Variants in NUDCD1 observed in about 807,000 individuals in gnomAD.
NUDCD1 encodes the protein NudC domain containing 1.
NUDCD1 carries 60 observed loss-of-function variants against 67.8 expected under a neutral mutation model. The ratio of observed to expected loss-of-function variants is 0.88; its 90% CI spans 0.72 to 1.10. The LOEUF (loss-of-function observed/expected upper bound fraction) is 1.10. Ranked by LOEUF, NUDCD1 falls within the 50% of genes least tolerant of loss-of-function variation. NUDCD1 has a pLI of 0.00. For missense variants in NUDCD1, 643 were observed against 695.0 expected (o/e 0.93, Z 0.84); for synonymous variants, 244 against 230.8 (o/e 1.06, Z -0.52).
intron 6 of NUDCD1, among the ~76,000 whole-genome samples, chr8:109,278,864 T>A (rs918131282): frequency 6.6e-6 from 1 of 152,196 alleles, no homozygotes; most frequent in Admixed American, 6.5e-5. Flanking sequence ...CAAATTTGTT[T>A]TGGCTTTGTT....
chr8:109,256,182 G>C (rs1029738845), intron 8 of NUDCD1, among the ~76,000 whole-genome samples: 2 of 152,148 alleles, frequency 1.3e-5, no homozygotes, highest in Non-Finnish European at 2.9e-5. Flanking sequence ...CTTGGTGACA[G>C]AGCGATACCC....
chr8:109,312,298 C>CAAA lies in NUDCD1; in HGVS notation c.273+10008_273+10010dup, dbSNP rs5893951. On this transcript the variant is annotated intron_variant, in intron 2 of 9. Coordinates refer to ENST00000239690, the MANE Select transcript of NUDCD1 (RefSeq NM_032869.4). The stretch of plus-strand genomic sequence containing the variant: ...CCCGGGCAACAGAGCGAGACACTGT[C>CAAA]AAAAAAAAAAAAAAAAAAAAAAGCC... Among the ~76,000 whole-genome samples the CAAA allele has an allele frequency of 6.4e-4, 53 of 82,494 alleles. 1 individual carries two copies. The highest frequency in any genetic ancestry group is 8.6e-4 in the Non-Finnish European group (37 of 43,060). 54.1% of individuals were successfully genotyped at this position (82,494 alleles called of 152,430 possible). A position where few individuals can be genotyped will look rare whatever the true frequency, so the allele number is the denominator to read the frequency against.
intron 1 of NUDCD1, among the ~76,000 whole-genome samples, chr8:109,331,441 G>A (rs1364647892): frequency 2.0e-5 from 3 of 150,856 alleles, no homozygotes; most frequent in East Asian, 1.9e-4. Context: ...GCCTGAACCC[G>A]GAAGGCAGAG....
intron 7 of NUDCD1, among the ~76,000 whole-genome samples, chr8:109,275,000 G>A (rs1233937744): frequency 1.3e-5 from 2 of 152,066 alleles, no homozygotes; most frequent in South Asian, 2.1e-4. Flanking sequence ...TTAGGGATAA[G>A]TAGATTCTTA....
At chr8:109,315,624 T>C (rs1563682790) in intron 2 of NUDCD1, 2 of 152,124 alleles carry the variant, frequency 1.3e-5, no homozygotes, top group African/African-American at 4.8e-5. Flanking sequence ...TGATCAAGCA[T>C]AAGAAGGGTA....
At chr8:109,278,421 A>T (rs893002348) in intron 6 of NUDCD1, among the ~76,000 whole-genome samples, 1 of 152,176 alleles carries the variant, frequency 6.6e-6, no homozygotes, top group Non-Finnish European at 1.5e-5. Context: ...CCTTTAATTG[A>T]GGTGTAATTT....
At chr8:109,245,963 T>A (rs1353056936) in intron 8 of NUDCD1, among the ~76,000 whole-genome samples, 2 of 152,174 alleles carry the variant, frequency 1.3e-5, no homozygotes, top group African/African-American at 4.8e-5. Context: ...AGCAGTGGAA[T>A]TAGATTCTCA....
chr8:109,309,442 G>C (rs933798743), intron 2 of NUDCD1, among the ~76,000 whole-genome samples: 4 of 152,038 alleles, frequency 2.6e-5, no homozygotes, highest in African/African-American at 4.8e-5. Context: ...AGCAAAATTG[G>C]CATACAACGG....
chr8:109,275,583 T>G, intron 6 of NUDCD1, 87 bp from the exon 7 acceptor site: 1 of 1,262,034 alleles, frequency 7.9e-7, no homozygotes. Context: ...GTTTCTATCT[T>G]CTATAGAAAG....
intron 8 of NUDCD1, among the ~76,000 whole-genome samples, chr8:109,252,480 A>G (rs1020049972): frequency 1.3e-5 from 2 of 152,130 alleles, no homozygotes; most frequent in African/African-American, 2.4e-5. Flanking sequence ...GCAAGACTTC[A>G]TACTTTTCCC....
intron 2 of NUDCD1, among the ~76,000 whole-genome samples, chr8:109,301,690 T>C (rs940313735): frequency 6.6e-6 from 1 of 152,156 alleles, no homozygotes; most frequent in African/African-American, 2.4e-5. Context: ...TACCCTTCAA[T>C]CTCCCTCTCT....
At chr8:109,284,107 T>C (rs1437770468) in intron 5 of NUDCD1, among the ~76,000 whole-genome samples, 1 of 151,616 alleles carries the variant, frequency 6.6e-6, no homozygotes, top group Non-Finnish European at 1.5e-5. Context: ...AAACTTGCTA[T>C]GCAAATGGAA....
intron 8 of NUDCD1, among the ~76,000 whole-genome samples, chr8:109,247,491 G>T (rs78303483): frequency 0.021 from 3,156 of 152,238 alleles, 110 homozygotes; most frequent in African/African-American, 0.072. Context: ...AAGAGGATAA[G>T]AATGAAGGTA....
At chr8:109,281,226 C>A in intron 5 of NUDCD1, 54 bp from the exon 6 acceptor site, 1 of 1,176,170 alleles carries the variant, frequency 8.5e-7, no homozygotes, top group Non-Finnish European at 1.3e-6. Flanking sequence ...AAAGCATACA[C>A]ACACACAAAA....
intron 1 of NUDCD1, among the ~76,000 whole-genome samples, chr8:109,333,451 T>C (rs1230873620): frequency 6.6e-6 from 1 of 152,212 alleles, no homozygotes; most frequent in East Asian, 1.9e-4. Flanking sequence ...GTTTCTCTTC[T>C]AAGAAACGGC....
chr8:109,325,004 C>T (rs1274832096), intron 1 of NUDCD1, among the ~76,000 whole-genome samples: 1 of 148,922 alleles, frequency 6.7e-6, no homozygotes, highest in South Asian at 2.1e-4. Context: ...GCACGAGAAT[C>T]GCTTGAACCC....
chr8:109,310,809 T>TC (rs1491278972), intron 2 of NUDCD1, among the ~76,000 whole-genome samples: 5 of 134,240 alleles, frequency 3.7e-5, no homozygotes, highest in Non-Finnish European at 7.9e-5. Context: ...AATAGACAAT[T>TC]CTTTTTTTTT....
intron 2 of NUDCD1, among the ~76,000 whole-genome samples, chr8:109,310,755 C>G (rs1329565363): frequency 7.0e-6 from 1 of 143,538 alleles, no homozygotes; most frequent in Non-Finnish European, 1.5e-5. Flanking sequence ...TCTACAACAG[C>G]AAGGAAAAAA....
At chr8:109,299,787 G>C (rs1814937139) in intron 2 of NUDCD1, among the ~76,000 whole-genome samples, 1 of 152,126 alleles carries the variant, frequency 6.6e-6, no homozygotes, top group Non-Finnish European at 1.5e-5. Context: ...TCCTAATAGA[G>C]AGCAAACCAG....
Sources: allele counts gnomAD v4.1 joint callset (sites outside exome capture counted in the v4.1 genomes callset), GRCh38; gene constraint gnomAD v4.1.1; transcripts MANE v1.5; gene names NCBI Gene and HGNC (gene_info 2026-07-23, HGNC 2026-07-21).